MTR: variants seen among roughly 807,000 people sequenced by gnomAD.
MTR encodes the protein 5-methyltetrahydrofolate-homocysteine methyltransferase, also known as methionine synthase.
MTR carries 84 observed loss-of-function variants against 154.8 expected under a neutral mutation model. The ratio of observed to expected loss-of-function variants is 0.54; its 90% CI spans 0.45 to 0.65. The LOEUF is 0.65. Ranked by LOEUF, MTR falls within the 30% of genes least tolerant of loss-of-function variation. The pLI is 0.00. For missense variants in MTR, 1,275 were observed against 1,570.2 expected (o/e 0.81, Z 3.18); for synonymous variants, 554 against 553.9 (o/e 1.00, Z 0.00).
At chr1:236,881,697 A>G (rs139376962) in intron 25 of MTR, among the ~76,000 whole-genome samples, 1 of 152,210 alleles carries the variant, frequency 6.6e-6, no homozygotes, top group Non-Finnish European at 1.5e-5. Context: ...GGGTGACCGC[A>G]TTTCCTGAGC....
At chr1:236,863,007 A>G (rs1465681585) in intron 21 of MTR, among the ~76,000 whole-genome samples, 3 of 152,080 alleles carry the variant, frequency 2.0e-5, no homozygotes, top group African/African-American at 7.2e-5. Flanking sequence ...CTGTGCATAG[A>G]ACAACAGTGC....
rs762118155 is a variant in MTR, at chr1:236,889,305, C to T, written c.2976C>T (p.Gly992=). 6 of 1,614,236 alleles carry T rather than the reference C, an allele frequency of 3.7e-6. No homozygotes were observed. Among genetic ancestry groups the T allele is most frequent in the East Asian group, 2.2e-5 (1 of 44,882 alleles). The change falls in exon 28 of 33, where the codon GGC becomes GGT. Residue 992 remains glycine (G), a synonymous_variant. Transcript: ENST00000366577. ...WQLRGKYPNR[G]FPKIFNDKTV... is the part of the protein sequence containing the mutation. ...TCCGGGGCAAGTACCCGAATCGAGG[C>T]TTTCCCAAGATATTTAACGACAAAA...
At position 236,826,905 on chromosome 1, in the gene MTR, C is replaced by A; in HGVS notation, c.995+9C>A. On this transcript the variant is annotated intron_variant, in intron 11 of 32. Coordinates refer to ENST00000366577, the MANE Select transcript of MTR (RefSeq NM_000254.3). Reference sequence around the variant, plus strand: ...ACACCAGATCATATCAGGTAATAATCACCTATAGACAATATATCTAAAACC... The same window carrying A: ...ACACCAGATCATATCAGGTAATAATAACCTATAGACAATATATCTAAAACC... 1 of 1,609,416 alleles carries A rather than the reference C, an allele frequency of 6.2e-7. No homozygotes were observed. Among genetic ancestry groups the A allele is most frequent in the Non-Finnish European group, 8.5e-7 (1 of 1,175,872 alleles).
At chr1:236,848,034 AT>A (rs1188188625) in intron 15 of MTR, among the ~76,000 whole-genome samples, 1 of 152,174 alleles carries the variant, frequency 6.6e-6, no homozygotes, top group Non-Finnish European at 1.5e-5. Flanking sequence ...TCTGAGAGTC[AT>A]TGTTTAATCA....
intron 4 of MTR, 51 bp downstream of exon 4, chr1:236,808,824 C>G (rs1025402670): frequency 2.0e-6 from 3 of 1,537,174 alleles, no homozygotes; most frequent in Admixed American, 3.3e-5. Context: ...TTGATACTGT[C>G]AGCTATAATG....
intron 22 of MTR, among the ~76,000 whole-genome samples, chr1:236,864,117 A>C (rs181953429): frequency 1.8e-4 from 27 of 152,346 alleles, no homozygotes; most frequent in East Asian, 1.5e-3. Context: ...TCATAACAAA[A>C]TCATTTGCAT....
intron 15 of MTR, among the ~76,000 whole-genome samples, chr1:236,845,120 T>C (rs546273371): frequency 6.6e-6 from 1 of 152,326 alleles, no homozygotes; most frequent in African/African-American, 2.4e-5. Context: ...ATCTAGGACA[T>C]GGTGGAACCA....
rs769629619 is a variant in MTR at position 236,894,493 on chromosome 1, A to C, written c.3341A>C (p.Tyr1114Ser). 9.3e-6 allele frequency: 15 copies of C among 1,613,984 alleles called. No individual in the cohort carries two copies. The highest frequency in any genetic ancestry group is 4.0e-5 in the African/African-American group (3 of 74,894). ...GGGGTAGAAGAGCTGAGCAAGGCCT[A>C]TGAGGATGATGGTGACGACTACAGC... ...CFGVEELSKA[Y>S]EDDGDDYSSI... is the part of the protein sequence containing the mutation. Residue 1114 changes from tyrosine to serine, a missense_variant, in exon 30 of 33, where the codon TAT (tyrosine) becomes TCT (serine). Tyr to Ser is a moderately radical substitution (Grantham distance 144). Coordinates refer to ENST00000366577, the MANE Select transcript of MTR (RefSeq NM_000254.3).
chr1:236,893,380 T>C (rs1666441179), intron 29 of MTR, among the ~76,000 whole-genome samples: 2 of 152,176 alleles, frequency 1.3e-5, no homozygotes, highest in South Asian at 4.1e-4. Flanking sequence ...CATTGATTAA[T>C]TGATCAGTCC....
chr1:236,844,607 C>T (rs1363096002), intron 15 of MTR, among the ~76,000 whole-genome samples: 1 of 151,950 alleles, frequency 6.6e-6, no homozygotes, highest in Non-Finnish European at 1.5e-5. Context: ...GAGCCATGAC[C>T]TTGTGAGTTG....
chr1:236,825,121 G>A (rs1662204417), intron 9 of MTR, among the ~76,000 whole-genome samples: 1 of 127,094 alleles, frequency 7.9e-6, no homozygotes, highest in Non-Finnish European at 1.6e-5. Flanking sequence ...AGAAATAATG[G>A]AGTTCATTTT....
intron 29 of MTR, 68 bp from the exon 30 acceptor site, chr1:236,894,289 C>T: frequency 6.8e-7 from 1 of 1,477,778 alleles, no homozygotes; most frequent in Non-Finnish European, 9.5e-7. Context: ...GATTGCTCTT[C>T]ATGGTGTGCT....
At chr1:236,888,950 C>G (rs541955469) in intron 27 of MTR, among the ~76,000 whole-genome samples, 1 of 152,280 alleles carries the variant, frequency 6.6e-6, no homozygotes, top group South Asian at 2.1e-4. Flanking sequence ...GGAACAGTTT[C>G]CAAGGGTGGT....
intron 24 of MTR, among the ~76,000 whole-genome samples, chr1:236,880,491 C>T (rs986808897): frequency 2.0e-5 from 3 of 152,202 alleles, no homozygotes; most frequent in Admixed American, 2.0e-4. Context: ...AGGTCATGCA[C>T]GGGCTCAGTC....
intron 6 of MTR, 130 bp from the exon 7 acceptor site, chr1:236,815,474 T>C: frequency 1.1e-6 from 1 of 893,502 alleles, no homozygotes; most frequent in Non-Finnish European, 1.8e-6. Context: ...GGAAGACACT[T>C]CTTCCCAGAG....
At chr1:236,882,391 ATTT>A (rs34832362) in intron 25 of MTR, among the ~76,000 whole-genome samples, 50 of 134,408 alleles carry the variant, frequency 3.7e-4, no homozygotes, top group African/African-American at 1.0e-3. Flanking sequence ...CCCCTTCACC[ATTT>A]TTTTTTTTTT....
chr1:236,827,197 TC>T (rs1421847756), intron 11 of MTR, among the ~76,000 whole-genome samples: 29 of 152,186 alleles, frequency 1.9e-4, no homozygotes, highest in Non-Finnish European at 2.9e-5. Flanking sequence ...AGAATAGCTA[TC>T]TACAAGACAT....
Position 236,815,295 on chromosome 1 carries a change from GTTAC to G in MTR, c.610-305_610-302del, listed in dbSNP as rs1661523624. On this transcript the variant is annotated intron_variant, in intron 6 of 32. Coordinates refer to ENST00000366577, the MANE Select transcript of MTR (RefSeq NM_000254.3). The stretch of plus-strand genomic sequence containing the variant: ...GTCGTCCTGTCTCAGCCTCCTGAGT[GTTAC>G]TTATTTATTTTTAATTTTTATTGAA... Among the ~76,000 whole-genome samples the G allele has an allele frequency of 3.9e-5, 6 of 152,262 alleles. No homozygotes were observed. In the South Asian group the frequency reaches 1.2e-3, roughly 32 times the overall value.
chr1:236,882,844 T>C (rs1665822730), intron 25 of MTR, among the ~76,000 whole-genome samples: 1 of 152,206 alleles, frequency 6.6e-6, no homozygotes, highest in East Asian at 1.9e-4. Flanking sequence ...CGACCACATT[T>C]TGAAATTGCT....
Sources: gnomAD v4.1 joint callset for allele counts (sites outside exome capture counted in the v4.1 genomes callset) on GRCh38, gnomAD v4.1.1 for gene constraint, MANE v1.5 for transcripts, NCBI Gene and HGNC (gene_info 2026-07-23, HGNC 2026-07-21) for gene names.